The following NLRC5 variants were observed in gnomAD, a reference collection of about 807,000 sequenced individuals.
NLRC5 encodes protein NLRC5.
Under a neutral mutation model 206.9 loss-of-function variants are expected in NLRC5, and 114 were observed. The observed-to-expected ratio is 0.55, with a 90% confidence interval of 0.47 to 0.64. NLRC5 has a LOEUF of 0.64. Among genes scored for constraint, NLRC5 ranks in the 30% least tolerant of loss-of-function variants. The pLI, the probability that NLRC5 is intolerant of heterozygous loss-of-function variation, is 0.00. For missense variants in NLRC5, 2,008 were observed against 2,305.5 expected, an observed-to-expected ratio of 0.87 and a Z score of 2.64; for synonymous variants, 952 against 962.8, an observed-to-expected ratio of 0.99 and a Z score of 0.21.
intron 46 of NLRC5, among the ~76,000 whole-genome samples, chr16:57,080,336 A>G (rs1759066157): frequency 6.6e-6 from 1 of 152,174 alleles, no homozygotes; most frequent in South Asian, 2.1e-4. Flanking sequence ...AAAGGGTTAA[A>G]AACCCAACAT....
chr16:56,991,286 C>T (rs2056798401), intron 1 of NLRC5, among the ~76,000 whole-genome samples: 1 of 152,030 alleles, frequency 6.6e-6, no homozygotes, highest in African/African-American at 2.4e-5. Flanking sequence ...GTCCACAGGG[C>T]CGGGTCAGCC....
At chr16:57,037,721 A>G (rs2062778626) in intron 15 of NLRC5, among the ~76,000 whole-genome samples, 1 of 152,182 alleles carries the variant, frequency 6.6e-6, no homozygotes, top group African/African-American at 2.4e-5. Flanking sequence ...GACAAGTGAC[A>G]TGCGACCCCC....
At chr16:57,077,492 G>A (rs2068543865) in intron 41 of NLRC5, 113 bp downstream of exon 41, 7 of 1,087,998 alleles carry the variant, frequency 6.4e-6, no homozygotes, top group Non-Finnish European at 9.4e-6. Context: ...CAACCTCAGT[G>A]TCCAGGCAGT....
At chr16:57,006,602 A>G (rs530185267) in intron 1 of NLRC5, among the ~76,000 whole-genome samples, 1 of 151,858 alleles carries the variant, frequency 6.6e-6, no homozygotes, top group African/African-American at 2.4e-5. Context: ...TAGATGTGCC[A>G]TAATTTAATC....
intron 16 of NLRC5, 93 bp downstream of exon 16, chr16:57,039,942 AG>A: frequency 9.2e-7 from 1 of 1,090,394 alleles, no homozygotes; most frequent in Non-Finnish European, 1.4e-6. Context: ...GTCAACTGCC[AG>A]GGTGACCTGG....
At chr16:57,030,653 TG>T (rs2061772252) in intron 10 of NLRC5, among the ~76,000 whole-genome samples, 3 of 151,020 alleles carry the variant, frequency 2.0e-5, no homozygotes, top group Admixed American at 6.6e-5. Context: ...GATGGATGGA[TG>T]GATGGATGGA....
At chr16:57,002,113 A>G (rs1269700119) in intron 1 of NLRC5, among the ~76,000 whole-genome samples, 3 of 152,102 alleles carry the variant, frequency 2.0e-5, no homozygotes, top group Non-Finnish European at 4.4e-5. Context: ...ATAGTACTCC[A>G]TTTTGTATGT....
intron 1 of NLRC5, among the ~76,000 whole-genome samples, chr16:57,004,275 T>C (rs1207520541): frequency 6.6e-6 from 1 of 152,052 alleles, no homozygotes; most frequent in Non-Finnish European, 1.5e-5. Flanking sequence ...TTATCCTTTG[T>C]TTTTGTTTTT....
At chr16:57,010,573 A>G (rs1216703629) in intron 1 of NLRC5, among the ~76,000 whole-genome samples, 1 of 152,080 alleles carries the variant, frequency 6.6e-6, no homozygotes, top group Admixed American at 6.5e-5. Flanking sequence ...GAGTTGCACA[A>G]TGTAGCCCAA....
chr16:57,075,926 T>C (rs760473047), intron 39 of NLRC5: 49 of 153,404 alleles, frequency 3.2e-4, no homozygotes, highest in Non-Finnish European at 5.1e-4. Flanking sequence ...TTTATTTTTA[T>C]TTTTTGAGAC....
chr16:57,047,495 G>C (rs1444560623), intron 22 of NLRC5, 50 bp from the exon 23 acceptor site: 1 of 1,523,892 alleles, frequency 6.6e-7, no homozygotes, highest in African/African-American at 1.4e-5. Flanking sequence ...GGCTAGCCAG[G>C]GACCCTGGGC....
At chr16:57,009,993 G>A (rs1353867723) in intron 1 of NLRC5, among the ~76,000 whole-genome samples, 1 of 152,156 alleles carries the variant, frequency 6.6e-6, no homozygotes, top group South Asian at 2.1e-4. Flanking sequence ...TGGTGTCCAG[G>A]CTAGGCCATA....
intron 14 of NLRC5, among the ~76,000 whole-genome samples, chr16:57,036,577 T>TGGGGTGAGG (rs1418732677): frequency 6.6e-6 from 1 of 150,770 alleles, no homozygotes; most frequent in Admixed American, 6.6e-5. Flanking sequence ...GATACACTGT[T>TGGGGTGAGG]GGGGTGAGGG....
At position 57,028,129 on chromosome 16, in the gene NLRC5, G is replaced by A. The variant is rs149479147; in HGVS notation, c.2133G>A (p.Pro711=). The A allele has an allele frequency of 2.9e-4, 475 of 1,613,500 alleles. 3 individuals carry two copies. The highest frequency in any genetic ancestry group is 1.7e-3 in the South Asian group (154 of 91,000). Reference sequence around the variant, plus strand: ...CAGAAGCCCTCTCCAGGAGCTTGCCGACAATGGGGAGGCTGCAGATGCTGG... The same window carrying A: ...CAGAAGCCCTCTCCAGGAGCTTGCCAACAATGGGGAGGCTGCAGATGCTGG... The part of the protein sequence containing the change: ...AFAEALSRSL[P]TMGRLQMLGL... Residue 711 remains proline (P), a synonymous_variant, in exon 7 of 49, where the codon CCG becomes CCA. Transcript: ENST00000688547.
rs1028552829 is a variant in NLRC5, at chr16:57,017,580, G to A, written c.-13+392G>A. Reference sequence around the variant, plus strand: ...TCTTGCTTCCTGTCTCGTGTGGATTGACTGGGATTGCTCCTCCACATCATC... The same window carrying A: ...TCTTGCTTCCTGTCTCGTGTGGATTAACTGGGATTGCTCCTCCACATCATC... On this transcript the variant is annotated intron_variant, in intron 2 of 48. Transcript: ENST00000688547. Among the ~76,000 whole-genome samples, 17 of 152,190 alleles carry A rather than the reference G, an allele frequency of 1.1e-4. No individual in the cohort carries two copies. In the Middle Eastern group the frequency reaches 0.01, roughly 91 times the overall value.
Position 57,030,661 on chromosome 16 carries a change from T to C in NLRC5, c.2417+577T>C, listed in dbSNP as rs867398316. On this transcript the variant is annotated intron_variant, in intron 10 of 48. Transcript: ENST00000688547. ...ATGGATGGATGGATGGATGGATGGA[T>C]GGATGAAGGAATGAGTCAACAAGTC... Among the ~76,000 whole-genome samples the C allele has an allele frequency of 7.1e-3, 1,072 of 150,384 alleles. 14 individuals carry two copies. Among genetic ancestry groups the C allele is most frequent in the African/African-American group, 0.019 (758 of 40,432 alleles).
intron 32 of NLRC5, among the ~76,000 whole-genome samples, chr16:57,063,324 G>A (rs2066748137): frequency 1.3e-5 from 2 of 151,350 alleles, no homozygotes; most frequent in South Asian, 2.1e-4. Context: ...CCATGTTGGC[G>A]AGGCTGGTCT....
intron 27 of NLRC5, 140 bp from the exon 28 acceptor site, chr16:57,057,925 G>A: frequency 1.4e-6 from 1 of 689,712 alleles, no homozygotes; most frequent in Admixed American, 2.1e-5. Flanking sequence ...TACTGGTGAT[G>A]GTGGTGATGG....
intron 1 of NLRC5, among the ~76,000 whole-genome samples, chr16:57,008,301 T>G (rs1339717179): frequency 6.6e-6 from 1 of 152,232 alleles, no homozygotes; most frequent in African/African-American, 2.4e-5. Context: ...AACTTTTTTG[T>G]CGTGAAACAT....
Sources: allele counts gnomAD v4.1 joint callset (sites outside exome capture counted in the v4.1 genomes callset), GRCh38; gene constraint gnomAD v4.1.1; transcripts MANE v1.5; gene names NCBI Gene and HGNC (gene_info 2026-07-23, HGNC 2026-07-21).